The following SLX4IP variants were observed in gnomAD, a reference collection of about 807,000 sequenced individuals.
SLX4IP encodes the protein protein SLX4IP.
A neutral mutation model predicts 32.9 loss-of-function variants in SLX4IP; 34 were observed. That is an observed-to-expected ratio of 1.03 (90% CI 0.79 to 1.38). The LOEUF is 1.38. Ranked by LOEUF, SLX4IP falls within the 40% of genes most tolerant of loss-of-function variation. SLX4IP has a pLI of 0.00. For missense variants in SLX4IP, 444 were observed against 479.0 expected (o/e 0.93, Z 0.68); for synonymous variants, 172 against 171.7 (o/e 1.00, Z -0.01).
chr20:10,614,444 A>G (rs1329359525), intron 6 of SLX4IP, among the ~76,000 whole-genome samples: 8 of 152,206 alleles, frequency 5.3e-5, no homozygotes, highest in African/African-American at 1.9e-4. Flanking sequence ...TAGGAGGATC[A>G]TATGGGGTGG....
At chr20:10,473,969 C>G (rs769099944) in intron 2 of SLX4IP, among the ~76,000 whole-genome samples, 2 of 152,094 alleles carry the variant, frequency 1.3e-5, no homozygotes, top group African/African-American at 4.8e-5. Context: ...ATTACAGACA[C>G]ACGCCACCAT....
intron 2 of SLX4IP, among the ~76,000 whole-genome samples, chr20:10,465,309 T>G (rs994504766): frequency 2.0e-5 from 3 of 152,166 alleles, no homozygotes; most frequent in African/African-American, 7.2e-5. Context: ...CAGCTGCTTG[T>G]TTTTGTAAAT....
At chr20:10,587,242 TTAA>T (rs201577975) in intron 4 of SLX4IP, among the ~76,000 whole-genome samples, 3,724 of 152,196 alleles carry the variant, frequency 0.024, 92 homozygotes, top group Admixed American at 0.086. Flanking sequence ...ATTTACAACA[TTAA>T]TAAATTAAAA....
At chr20:10,507,609 T>A (rs1232247111) in intron 2 of SLX4IP, among the ~76,000 whole-genome samples, 3 of 152,122 alleles carry the variant, frequency 2.0e-5, no homozygotes, top group African/African-American at 7.2e-5. Context: ...CACTGCATCC[T>A]AGCAGTGCAA....
chr20:10,531,334 G>A (rs1212761084), intron 2 of SLX4IP, among the ~76,000 whole-genome samples: 1 of 152,132 alleles, frequency 6.6e-6, no homozygotes, highest in Non-Finnish European at 1.5e-5. Flanking sequence ...CATTGCATAG[G>A]GTTTGAGGTA....
At chr20:10,453,304 A>C (rs560061042) in intron 1 of SLX4IP, among the ~76,000 whole-genome samples, 160 of 94,298 alleles carry the variant, frequency 1.7e-3, no homozygotes, top group African/African-American at 5.0e-3. Context: ...TCTAAAACTC[A>C]TCCGTGTGTG....
chr20:10,449,653 C>T (rs1295210583), intron 1 of SLX4IP, among the ~76,000 whole-genome samples: 3 of 152,006 alleles, frequency 2.0e-5, no homozygotes, highest in African/African-American at 7.3e-5. Context: ...CTATTTTAGC[C>T]CTAAAATTGT....
At chr20:10,543,618 C>A (rs112599538) in intron 2 of SLX4IP, among the ~76,000 whole-genome samples, 1 of 152,136 alleles carries the variant, frequency 6.6e-6, no homozygotes, top group Non-Finnish European at 1.5e-5. Flanking sequence ...GGGAGGAGAA[C>A]GAGCAAAGCT....
chr20:10,556,276 G>A lies in SLX4IP; in HGVS notation c.73G>A (p.Gly25Ser), dbSNP rs1159075171. The change falls in exon 3 of 8, where the codon GGT (glycine) becomes AGT (serine). Residue 25 changes from glycine to serine, a missense_variant. By Grantham distance (56) the Gly-to-Ser change is moderately conservative. Coordinates refer to ENST00000334534, the MANE Select transcript of SLX4IP (RefSeq NM_001009608.3). Reference sequence around the variant, plus strand: ...CGTGGATCTTCATATCTTGCCACAAGGTTCAAACAAAGATACAAGCTGGTT... The same window carrying A: ...CGTGGATCTTCATATCTTGCCACAAAGTTCAAACAAAGATACAAGCTGGTT... ...VLVDLHILPQ[G>S]SNKDTSWFSE... The A allele has an allele frequency of 1.2e-6, 2 of 1,613,158 alleles. No homozygotes were observed. Among genetic ancestry groups the A allele is most frequent in the African/African-American group, 1.3e-5 (1 of 74,826 alleles).
chr20:10,555,462 T>TTTGTAGC (rs2066257111), intron 2 of SLX4IP, among the ~76,000 whole-genome samples: 2 of 152,224 alleles, frequency 1.3e-5, no homozygotes, highest in Non-Finnish European at 2.9e-5. Context: ...TTAAATTTAA[T>TTTGTAGC]TTAAATTTTA....
intron 2 of SLX4IP, among the ~76,000 whole-genome samples, chr20:10,495,360 TG>T (rs141736568): frequency 0.025 from 3,838 of 152,300 alleles, 101 homozygotes; most frequent in Admixed American, 0.096. Context: ...GGCTAGAGGA[TG>T]TGGTCTGTGT....
chr20:10,536,806 C>T (rs1470538682), intron 2 of SLX4IP, among the ~76,000 whole-genome samples: 3 of 152,176 alleles, frequency 2.0e-5, no homozygotes, highest in Non-Finnish European at 4.4e-5. Flanking sequence ...ATACTCAGAC[C>T]ATGGAACCAT....
chr20:10,592,710 C>T (rs2066725372), intron 4 of SLX4IP, among the ~76,000 whole-genome samples: 1 of 133,676 alleles, frequency 7.5e-6, no homozygotes, highest in South Asian at 2.6e-4. Context: ...TCTCGGCTCA[C>T]TGCAACCTCT....
intron 3 of SLX4IP, among the ~76,000 whole-genome samples, chr20:10,556,984 G>A (rs2066273250): frequency 6.6e-6 from 1 of 152,174 alleles, no homozygotes; most frequent in Admixed American, 6.6e-5. Context: ...TGTGGTGGAG[G>A]CTTACAAGCT....
chr20:10,561,434 T>G (rs1160745780), intron 4 of SLX4IP, among the ~76,000 whole-genome samples: 2 of 152,108 alleles, frequency 1.3e-5, no homozygotes, highest in Non-Finnish European at 2.9e-5. Context: ...GAGCTCAATT[T>G]TTTTAATAAA....
intron 4 of SLX4IP, among the ~76,000 whole-genome samples, chr20:10,588,802 G>C (rs958406328): frequency 6.6e-6 from 1 of 152,158 alleles, no homozygotes; most frequent in Admixed American, 6.6e-5. Flanking sequence ...AGGAAGGGGA[G>C]ATTTGGTCAA....
At chr20:10,509,468 C>T (rs2065787302) in intron 2 of SLX4IP, among the ~76,000 whole-genome samples, 1 of 152,210 alleles carries the variant, frequency 6.6e-6, no homozygotes, top group Non-Finnish European at 1.5e-5. Flanking sequence ...GTAAGTTGGA[C>T]AGCCTTGGCA....
At chr20:10,500,130 C>CTTTTTT (rs34751503) in intron 2 of SLX4IP, among the ~76,000 whole-genome samples, 37 of 90,052 alleles carry the variant, frequency 4.1e-4, no homozygotes, top group Admixed American at 6.2e-4. Context: ...TGTCAAAATT[C>CTTTTTT]TTTTTTTTTT....
At chr20:10,475,223 T>C (rs1176717966) in intron 2 of SLX4IP, among the ~76,000 whole-genome samples, 3 of 152,196 alleles carry the variant, frequency 2.0e-5, no homozygotes, top group Non-Finnish European at 2.9e-5. Context: ...AGGTCATGCA[T>C]AGAATTTAAC....
Sources: allele counts gnomAD v4.1 joint callset (sites outside exome capture counted in the v4.1 genomes callset), GRCh38; gene constraint gnomAD v4.1.1; transcripts MANE v1.5; gene names NCBI Gene and HGNC (gene_info 2026-07-23, HGNC 2026-07-21).